PPP4R3A: variants seen among roughly 807,000 people sequenced by gnomAD.
PPP4R3A encodes the protein protein phosphatase 4 regulatory subunit 3A.
In PPP4R3A, 15 loss-of-function variants were observed where a neutral mutation model predicts 91.7. That is an observed-to-expected ratio of 0.16 (90% CI 0.11 to 0.25). The LOEUF is 0.25. Among genes scored for constraint, PPP4R3A ranks in the 10% least tolerant of loss-of-function variants. PPP4R3A has a pLI of 1.00. For synonymous variants in PPP4R3A, 377 were observed against 348.7 expected (o/e 1.08, Z -0.91); for missense variants, 623 against 998.4 (o/e 0.62, Z 5.07).
intron 10 of PPP4R3A, among the ~76,000 whole-genome samples, chr14:91,469,100 T>C (rs74889980): frequency 7.8e-5 from 10 of 128,032 alleles, no homozygotes; most frequent in African/African-American, 1.5e-4. Context: ...ATGCTAGAGG[T>C]TGCAAATTTT....
intron 1 of PPP4R3A, among the ~76,000 whole-genome samples, chr14:91,498,168 C>T (rs1890701506): frequency 6.6e-6 from 1 of 152,130 alleles, no homozygotes; most frequent in Non-Finnish European, 1.5e-5. Context: ...AACCCCGTCT[C>T]TACTAAAAAT....
At chr14:91,494,508 A>G (rs1316747341) in intron 1 of PPP4R3A, among the ~76,000 whole-genome samples, 1 of 152,228 alleles carries the variant, frequency 6.6e-6, no homozygotes, top group Admixed American at 6.5e-5. Context: ...CGGATATACA[A>G]AAAACTAGTA....
Position 91,462,881 on chromosome 14 carries a change from C to G in PPP4R3A, c.1831-4G>C. On this transcript the variant is annotated splice_polypyrimidine_tract_variant and splice_region_variant and intron_variant, in intron 11 of 14. Coordinates refer to ENST00000554943, the MANE Select transcript of PPP4R3A (RefSeq NM_001366432.2). ...CAGTTAATGATTTTATATCTTCCTA[C>G]AGAAAAGAATAGTAATGAAAAAATG... The G allele has an allele frequency of 6.3e-7, 1 of 1,585,946 alleles. No homozygotes were observed. Among genetic ancestry groups the G allele is most frequent in the East Asian group, 2.2e-5 (1 of 44,492 alleles).
chr14:91,471,477 T>G (rs921526266), intron 9 of PPP4R3A, among the ~76,000 whole-genome samples: 10 of 152,208 alleles, frequency 6.6e-5, no homozygotes, highest in African/African-American at 2.4e-4. Context: ...TATACTGAAT[T>G]ATAATCATTG....
intron 1 of PPP4R3A, among the ~76,000 whole-genome samples, chr14:91,500,277 T>C (rs902951509): frequency 2.0e-5 from 3 of 152,146 alleles, no homozygotes; most frequent in Non-Finnish European, 4.4e-5. Flanking sequence ...CTCGGCTCAC[T>C]GCAACCTCCA....
intron 1 of PPP4R3A, among the ~76,000 whole-genome samples, chr14:91,502,923 G>C (rs547180988): frequency 6.6e-6 from 1 of 152,300 alleles, no homozygotes; most frequent in South Asian, 2.1e-4. Context: ...GCACAAATAT[G>C]ATTATGGCCA....
chr14:91,477,105 GCTGT>G, intron 4 of PPP4R3A, 119 bp from the exon 5 acceptor site: 4 of 569,292 alleles, frequency 7.0e-6, no homozygotes, highest in Non-Finnish European at 7.7e-6. Context: ...TATTGGCAAT[GCTGT>G]CTTTTTTTTT....
rs764513741 is a variant in PPP4R3A, at chr14:91,458,685, TGTG to T, written c.*71_*73del. 45 of 1,609,584 alleles carry T rather than the reference TGTG, an allele frequency of 2.8e-5. No individual in the cohort carries two copies. In the African/African-American group the frequency reaches 6.0e-4, roughly 21 times the overall value. ...TTCACAAGAGACCACTGCGCTTTGT[TGTG>T]GATTTTGTATGGGGGAGGGGTGGAG... On this transcript the variant is annotated 3_prime_UTR_variant, in exon 15 of 15. Coordinates refer to ENST00000554943, the MANE Select transcript of PPP4R3A (RefSeq NM_001366432.2).
At chr14:91,476,085 G>T (rs1263881884) in intron 6 of PPP4R3A, 119 bp from the exon 7 acceptor site, 2 of 957,798 alleles carry the variant, frequency 2.1e-6, no homozygotes, top group Non-Finnish European at 1.5e-6. Flanking sequence ...AAAGGTCAAA[G>T]AAATTCTTCT....
rs373325911 is a variant in PPP4R3A at position 91,472,698 on chromosome 14, T to C, written c.1501+335A>G. On this transcript the variant is annotated intron_variant, in intron 9 of 14. Transcript: ENST00000554943. ...GTTAGCCAGGATGGTCTCGATCTCC[T>C]GACCTCATGATCCGCTTGCCTTGGC... 7.9e-5 allele frequency among the ~76,000 whole-genome samples: 12 copies of C among 152,268 alleles called. No homozygotes were observed. The East Asian group carries it at 2.3e-3, about 29-fold the overall frequency.
intron 1 of PPP4R3A, among the ~76,000 whole-genome samples, chr14:91,495,434 C>T (rs561689761): frequency 6.6e-6 from 1 of 151,806 alleles, no homozygotes; most frequent in East Asian, 1.9e-4. Flanking sequence ...CCTGCCTCAG[C>T]CACCTGAGTA....
intron 1 of PPP4R3A, among the ~76,000 whole-genome samples, chr14:91,507,394 T>TATACTATAATATATACTATATA (rs1566660222): frequency 3.4e-5 from 2 of 59,660 alleles, no homozygotes; most frequent in African/African-American, 1.0e-4. Flanking sequence ...ATATAGTATA[T>TATACTATAATATATACTATATA]GTACTATAAT....
In PPP4R3A at chr14:91,475,833, G is replaced by C; in HGVS notation, c.1244C>G (p.Thr415Arg). 1 of 1,613,288 alleles carries C rather than the reference G, an allele frequency of 6.2e-7. No homozygotes were observed. The highest frequency in any genetic ancestry group is 1.7e-5 in the Admixed American group (1 of 59,844). The change falls in exon 7 of 15, where the codon ACA becomes AGA. Residue 415 changes from threonine to arginine, a missense_variant. By Grantham distance (71) the Thr-to-Arg change is moderately conservative. Around this residue, in one of 5 missense-constraint regions of PPP4R3A, gnomAD observed 264 missense variants for 377.3 expected, o/e 0.70. Coordinates refer to ENST00000554943, the MANE Select transcript of PPP4R3A (RefSeq NM_001366432.2). ...QQNDDVSKKL[T>R]EQKITSKDIL... ...TACCTTGCTGGTTATTTTTTGCTCT[G>C]TTAACTTCTTACTTACATCATCATT...
intron 14 of PPP4R3A, 134 bp downstream of exon 14, chr14:91,461,247 G>GGGGAC (rs1888135741): frequency 1.3e-6 from 1 of 769,534 alleles, no homozygotes. Context: ...AAGCGGTGGG[G>GGGGAC]GGGACTCATC....
At chr14:91,480,796 A>G (rs11628461) in intron 4 of PPP4R3A, among the ~76,000 whole-genome samples, 74,732 of 151,978 alleles carry the variant, frequency 0.49, 18,708 homozygotes, top group Admixed American at 0.53. Flanking sequence ...AACACTTTGC[A>G]AGGCTAAGGT....
chr14:91,458,386 G>A lies in PPP4R3A; in HGVS notation c.*373C>T. 3.6e-6 allele frequency: 1 copy of A among 274,326 alleles called. No homozygotes were observed. Among genetic ancestry groups the A allele is most frequent in the Non-Finnish European group, 7.1e-6 (1 of 140,032 alleles). The allele number at this position is 274,326 out of a possible 1,614,324, so 17.0% of individuals were successfully genotyped here. On this transcript the variant is annotated 3_prime_UTR_variant, in exon 15 of 15. Coordinates refer to ENST00000554943, the MANE Select transcript of PPP4R3A (RefSeq NM_001366432.2). ...GACTAGTGAAGAATTATGGCAGAAA[G>A]GCCCATTCTTCTGAGTCTCAAACAT...
intron 14 of PPP4R3A, among the ~76,000 whole-genome samples, chr14:91,460,327 T>C (rs1423672506): frequency 2.0e-5 from 3 of 151,972 alleles, no homozygotes; most frequent in Non-Finnish European, 4.4e-5. Context: ...CTTGCTTTAT[T>C]TCGATGCTAA....
chr14:91,489,404 G>A (rs933420012), intron 2 of PPP4R3A, among the ~76,000 whole-genome samples: 1 of 152,184 alleles, frequency 6.6e-6, no homozygotes, highest in Non-Finnish European at 1.5e-5. Context: ...GAATCACTTT[G>A]TGGCTGATGC....
At chr14:91,472,628 C>A (rs550496854) in intron 9 of PPP4R3A, among the ~76,000 whole-genome samples, 6 of 152,044 alleles carry the variant, frequency 3.9e-5, no homozygotes, top group South Asian at 4.2e-4. Context: ...CCACGCCCAG[C>A]TAAATTTTTT....
Sources: gnomAD v4.1 joint callset for allele counts (sites outside exome capture counted in the v4.1 genomes callset) on GRCh38, gnomAD v4.1.1 for gene constraint, gnomAD v4.1.1 regional missense constraint, MANE v1.5 for transcripts, NCBI Gene and HGNC (gene_info 2026-07-23, HGNC 2026-07-21) for gene names.